The following BCO1 variants were observed in gnomAD, a reference collection of about 807,000 sequenced individuals.
The protein encoded by BCO1 is beta,beta-carotene 15,15'-dioxygenase.
A neutral mutation model predicts 56.3 loss-of-function variants in BCO1; 54 were observed. The ratio of observed to expected loss-of-function variants is 0.96; its 90% CI spans 0.77 to 1.20. BCO1 has a LOEUF of 1.20. BCO1 is among the 50% of genes most tolerant of loss of function. The pLI is 0.00. For synonymous variants in BCO1, 318 were observed against 266.1 expected, an observed-to-expected ratio of 1.20 and a Z score of -1.90; for missense variants, 801 against 690.9, an observed-to-expected ratio of 1.16 and a Z score of -1.79.
At position 81,264,699 on chromosome 16, in the gene BCO1, G is replaced by A. The variant is rs772250710; in HGVS notation, c.531G>A (p.Glu177=). The A allele has an allele frequency of 7.4e-6, 12 of 1,614,078 alleles. No individual in the cohort carries two copies. In the South Asian group the frequency reaches 9.9e-5, roughly 13 times the overall value. ...NLATSHPHYD[E]AGNVLNMGTS... is the part of the protein sequence containing the mutation. ...CAACGTCACATCCCCATTATGATGA[G>A]GCTGGAAATGTTCTAAACATGGGCA... Residue 177 remains glutamate (E), a synonymous_variant, in exon 5 of 11, where the codon GAG becomes GAA. Transcript: ENST00000258168.
At chr16:81,261,855 C>T in intron 3 of BCO1, 1 of 380,868 alleles carries the variant, frequency 2.6e-6, no homozygotes. Flanking sequence ...CATTCTCCTG[C>T]CTCAGCCTCC....
At chr16:81,243,561 C>T (rs879629292) in intron 1 of BCO1, among the ~76,000 whole-genome samples, 10 of 152,094 alleles carry the variant, frequency 6.6e-5, no homozygotes, top group African/African-American at 1.4e-4. Context: ...CTCCCCCTTC[C>T]GGGTTTAAGC....
intron 4 of BCO1, chr16:81,262,846 A>C (rs867090415): frequency 0.041 from 6,316 of 154,768 alleles, 266 homozygotes; most frequent in African/African-American, 0.11. Flanking sequence ...CAAAAAAAAA[A>C]AAAAAAAAAA....
At chr16:81,250,203 C>T (rs984070022) in intron 2 of BCO1, among the ~76,000 whole-genome samples, 2 of 152,172 alleles carry the variant, frequency 1.3e-5, no homozygotes, top group Non-Finnish European at 2.9e-5. Flanking sequence ...CCCAGAAGCA[C>T]ACAGCTAAGA....
chr16:81,242,635 C>A (rs1905184898), intron 1 of BCO1, among the ~76,000 whole-genome samples: 1 of 152,132 alleles, frequency 6.6e-6, no homozygotes, highest in Non-Finnish European at 1.5e-5. Context: ...GGTCCTCTCT[C>A]TGGTCTTCCT....
Position 81,259,658 on chromosome 16 carries a change from C to T in BCO1, c.194-18C>T, listed in dbSNP as rs375580668. On this transcript the variant is annotated intron_variant, in intron 2 of 10. Transcript: ENST00000258168. ...GTGAAGGCGTCAGCCTGAGATTATG[C>T]TGGTTCTTCTCTTGCAGGTGAAGTC... 129 of 1,614,076 alleles carry T rather than the reference C, an allele frequency of 8.0e-5. No individual in the cohort carries two copies. Among genetic ancestry groups the T allele is most frequent in the Non-Finnish European group, 9.9e-5 (117 of 1,180,026 alleles).
intron 1 of BCO1, among the ~76,000 whole-genome samples, chr16:81,240,419 C>T (rs117515049): frequency 0.02 from 3,068 of 151,628 alleles, 45 homozygotes; most frequent in Non-Finnish European, 0.03. Flanking sequence ...AAAAAGACAC[C>T]CCACGGCCAG....
intron 10 of BCO1, among the ~76,000 whole-genome samples, chr16:81,288,848 G>T (rs1908320845): frequency 6.6e-6 from 1 of 152,204 alleles, no homozygotes; most frequent in African/African-American, 2.4e-5. Context: ...GAGCCTGCCA[G>T]CTTCTTCCCT....
At chr16:81,251,151 G>A (rs1286173830) in intron 2 of BCO1, among the ~76,000 whole-genome samples, 3 of 151,736 alleles carry the variant, frequency 2.0e-5, no homozygotes, top group Non-Finnish European at 4.4e-5. Context: ...TGCAGGTTAG[G>A]TGCTTAAGAC....
At chr16:81,286,371 T>C (rs1160539464) in intron 9 of BCO1, among the ~76,000 whole-genome samples, 4 of 152,068 alleles carry the variant, frequency 2.6e-5, no homozygotes. Context: ...CACCCCTCCA[T>C]ACCCCAAGCC....
chr16:81,242,695 C>T (rs1352413569), intron 1 of BCO1, among the ~76,000 whole-genome samples: 1 of 152,148 alleles, frequency 6.6e-6, no homozygotes, highest in African/African-American at 2.4e-5. Context: ...TGGGTGGAGA[C>T]AACCTTCGAA....
chr16:81,287,161 T>C (rs567481347), intron 9 of BCO1, 134 bp from the exon 10 acceptor site: 35 of 736,310 alleles, frequency 4.8e-5, no homozygotes, highest in African/African-American at 8.7e-5. Flanking sequence ...GTAGCTGTCA[T>C]TGGGAGACTA....
At chr16:81,272,294 T>G (rs1907277625) in intron 7 of BCO1, among the ~76,000 whole-genome samples, 1 of 143,562 alleles carries the variant, frequency 7.0e-6, no homozygotes, top group Non-Finnish European at 1.6e-5. Flanking sequence ...TTTTTTTGTA[T>G]TTTTTAGTAG....
At chr16:81,256,065 C>T (rs1322715177) in intron 2 of BCO1, among the ~76,000 whole-genome samples, 2 of 151,946 alleles carry the variant, frequency 1.3e-5, no homozygotes, top group Non-Finnish European at 2.9e-5. Flanking sequence ...ATCCACCTGC[C>T]TCTACCTCCC....
intron 7 of BCO1, among the ~76,000 whole-genome samples, chr16:81,277,473 C>G (rs1255912038): frequency 6.6e-6 from 1 of 152,146 alleles, no homozygotes; most frequent in Non-Finnish European, 1.5e-5. Flanking sequence ...TTTTTCTCAA[C>G]CATTATTTAA....
At chr16:81,248,405 C>CAAAAAATAAAAAAAAAA (rs1905561121) in intron 2 of BCO1, among the ~76,000 whole-genome samples, 1 of 102,828 alleles carries the variant, frequency 9.7e-6, no homozygotes, top group African/African-American at 4.2e-5. Flanking sequence ...CTCCCTCTCA[C>CAAAAAATAAAAAAAAAA]AAAAAAAAAA....
chr16:81,272,909 A>T (rs1346925208), intron 7 of BCO1, among the ~76,000 whole-genome samples: 2 of 152,228 alleles, frequency 1.3e-5, no homozygotes, highest in African/African-American at 4.8e-5. Context: ...GGGCAAGGTC[A>T]CAGCCCAGAG....
rs1484768355 is a variant in BCO1, at chr16:81,270,361, G to T, written c.1046G>T (p.Arg349Met). ...NLNQDFKENS[R>M]LTSVPTLRRF... ...AACCAGGACTTCAAGGAGAACTCCA[G>T]GCTCACCTCGGTCCCCACCCTCAGG... Residue 349 changes from arginine to methionine, a missense_variant, in exon 7 of 11, where the codon AGG becomes ATG. Coordinates refer to ENST00000258168, the MANE Select transcript of BCO1 (RefSeq NM_017429.3). 1.2e-6 allele frequency: 2 copies of T among 1,614,070 alleles called. No homozygotes were observed. Among genetic ancestry groups the T allele is most frequent in the South Asian group, 1.1e-5 (1 of 91,084 alleles).
At chr16:81,250,578 CT>C (rs530676028) in intron 2 of BCO1, among the ~76,000 whole-genome samples, 2,197 of 105,416 alleles carry the variant, frequency 0.021, 26 homozygotes, top group African/African-American at 0.074. Flanking sequence ...CTCAATAAAG[CT>C]TTTTTTTTTT....
Sources: gnomAD v4.1 joint callset for allele counts (sites outside exome capture counted in the v4.1 genomes callset) on GRCh38, gnomAD v4.1.1 for gene constraint, MANE v1.5 for transcripts, NCBI Gene and HGNC (gene_info 2026-07-23, HGNC 2026-07-21) for gene names.